Variants in SAE1 observed in about 807,000 individuals in gnomAD.
SAE1 encodes SUMO-activating enzyme subunit 1.
SAE1 carries 11 observed loss-of-function variants against 40.6 expected under a neutral mutation model. That is an observed-to-expected ratio of 0.27 (90% CI 0.17 to 0.45). The LOEUF (loss-of-function observed/expected upper bound fraction) is 0.45. SAE1 is among the 20% of genes least tolerant of loss of function. The pLI is 1.00. For synonymous variants in SAE1, 155 were observed against 154.3 expected, an observed-to-expected ratio of 1.00 and a Z score of -0.03; for missense variants, 373 against 427.3, an observed-to-expected ratio of 0.87 and a Z score of 1.12.
chr19:47,195,828 G>T (rs1255996511), intron 6 of SAE1, among the ~76,000 whole-genome samples: 1 of 142,834 alleles, frequency 7.0e-6, no homozygotes, highest in Non-Finnish European at 1.5e-5. Context: ...TTGACCTTCT[G>T]GGCTCAAGTG....
At chr19:47,134,617 G>T (rs538950543) in intron 1 of SAE1, among the ~76,000 whole-genome samples, 1 of 152,266 alleles carries the variant, frequency 6.6e-6, no homozygotes, top group African/African-American at 2.4e-5. Context: ...GATCCTAAAG[G>T]GTTGGGGAGG....
At chr19:47,167,010 G>GGTGT (rs775681561) in intron 5 of SAE1, among the ~76,000 whole-genome samples, 1 of 151,694 alleles carries the variant, frequency 6.6e-6, no homozygotes, top group Non-Finnish European at 1.5e-5. Context: ...GGAGTGTAGT[G>GGTGT]GTGTGACCTT....
intron 2 of SAE1, among the ~76,000 whole-genome samples, chr19:47,144,023 G>A (rs2058239048): frequency 6.6e-6 from 1 of 152,218 alleles, no homozygotes; most frequent in African/African-American, 2.4e-5. Context: ...GGCGAGCTCA[G>A]GAGTATGTGC....
intron 6 of SAE1, among the ~76,000 whole-genome samples, chr19:47,172,368 CAG>C (rs1215437471): frequency 4.6e-5 from 7 of 152,172 alleles, no homozygotes; most frequent in African/African-American, 9.7e-5. Context: ...GCAGTAAGAG[CAG>C]AGTCTTTTCC....
chr19:47,171,286 T>C (rs1220783175), intron 6 of SAE1, among the ~76,000 whole-genome samples: 1 of 151,490 alleles, frequency 6.6e-6, no homozygotes, highest in Admixed American at 6.6e-5. Context: ...CTGGCACTTT[T>C]AATTTTTATT....
chr19:47,208,519 C>T (rs1354185274), intron 8 of SAE1, among the ~76,000 whole-genome samples: 1 of 152,136 alleles, frequency 6.6e-6, no homozygotes, highest in Non-Finnish European at 1.5e-5. Context: ...CAGTTTACTG[C>T]AACCTCTGCC....
At chr19:47,208,449 C>CT (rs1022914999) in intron 8 of SAE1, among the ~76,000 whole-genome samples, 22 of 150,118 alleles carry the variant, frequency 1.5e-4, no homozygotes, top group Admixed American at 6.0e-4. Context: ...TTCTTTTTCT[C>CT]TTTTTTTTTG....
chr19:47,131,389 G>A (rs1402700975), intron 1 of SAE1, among the ~76,000 whole-genome samples: 1 of 152,058 alleles, frequency 6.6e-6, no homozygotes, highest in Non-Finnish European at 1.5e-5. Flanking sequence ...GGTGAGGTGA[G>A]GGACGCAGTT....
chr19:47,185,141 A>G (rs2058536426), intron 6 of SAE1, among the ~76,000 whole-genome samples: 1 of 152,140 alleles, frequency 6.6e-6, no homozygotes, highest in Admixed American at 6.6e-5. Context: ...TGCTTTTTAA[A>G]AAAACCTAAA....
At chr19:47,194,153 G>A (rs543220723) in intron 6 of SAE1, among the ~76,000 whole-genome samples, 1 of 152,190 alleles carries the variant, frequency 6.6e-6, no homozygotes, top group Non-Finnish European at 1.5e-5. Flanking sequence ...CAGATGCAGA[G>A]ACCAAGATTC....
At chr19:47,190,551 A>C (rs1253695140) in intron 6 of SAE1, among the ~76,000 whole-genome samples, 1 of 152,040 alleles carries the variant, frequency 6.6e-6, no homozygotes, top group Non-Finnish European at 1.5e-5. Context: ...GTTTTGCTGC[A>C]AGTAAGTGGC....
chr19:47,197,199 G>C, intron 6 of SAE1, 34 bp from the exon 7 acceptor site: 1 of 1,563,446 alleles, frequency 6.4e-7, no homozygotes, highest in African/African-American at 1.4e-5. Context: ...AAAAAAAGTG[G>C]CTTTATAACC....
chr19:47,171,821 T>C (rs982311159), intron 6 of SAE1, among the ~76,000 whole-genome samples: 12 of 152,104 alleles, frequency 7.9e-5, no homozygotes, highest in Non-Finnish European at 1.8e-4. Context: ...CAGGCTGGTC[T>C]TGAACTCCTG....
At chr19:47,138,024 C>T (rs1479192367) in intron 1 of SAE1, among the ~76,000 whole-genome samples, 3 of 148,282 alleles carry the variant, frequency 2.0e-5, no homozygotes, top group South Asian at 2.1e-4. Flanking sequence ...CCACTACACC[C>T]GGCCTATGTG....
chr19:47,145,938 T>G (rs2058253415), intron 2 of SAE1, among the ~76,000 whole-genome samples: 1 of 566 alleles, frequency 1.8e-3, no homozygotes, highest in East Asian at 4.6e-3. Context: ...TTCTCAAGGT[T>G]TTTTTTTTTT....
chr19:47,153,176 C>T, intron 4 of SAE1, 136 bp downstream of exon 4: 1 of 722,500 alleles, frequency 1.4e-6, no homozygotes, highest in Non-Finnish European at 2.1e-6. Context: ...CTCCTGGGCT[C>T]AAGTGATCCT....
chr19:47,204,592 C>T (rs1224402626), intron 8 of SAE1, among the ~76,000 whole-genome samples: 1 of 150,016 alleles, frequency 6.7e-6, no homozygotes, highest in African/African-American at 2.5e-5. Context: ...CTGCAACCTC[C>T]GCCTCCTGGG....
intron 5 of SAE1, among the ~76,000 whole-genome samples, chr19:47,158,885 C>T (rs1045690846): frequency 6.6e-6 from 1 of 152,116 alleles, no homozygotes; most frequent in East Asian, 1.9e-4. Flanking sequence ...AGAGGGATAC[C>T]CCTGAAGTTG....
At chr19:47,136,897 G>T (rs983393748) in intron 1 of SAE1, among the ~76,000 whole-genome samples, 1 of 152,120 alleles carries the variant, frequency 6.6e-6, no homozygotes, top group African/African-American at 2.4e-5. Context: ...GCCTCTAAGA[G>T]GGCTCTAGGT....
Sources: gnomAD v4.1 joint callset for allele counts (sites outside exome capture counted in the v4.1 genomes callset) on GRCh38, gnomAD v4.1.1 for gene constraint, MANE v1.5 for transcripts, NCBI Gene and HGNC (gene_info 2026-07-23, HGNC 2026-07-21) for gene names.